Variants in DCC observed in about 807,000 individuals in gnomAD.
DCC encodes the protein netrin receptor DCC.
A neutral mutation model predicts 172.5 loss-of-function variants in DCC; 58 were observed. That is an observed-to-expected ratio of 0.34 (90% CI 0.27 to 0.42). The LOEUF (loss-of-function observed/expected upper bound fraction) is 0.42. Ranked by LOEUF, DCC falls within the 10% of genes least tolerant of loss-of-function variation. DCC has a pLI of 1.00. For missense variants in DCC, 1,740 were observed against 1,791.0 expected (o/e 0.97, Z 0.51); for synonymous variants, 709 against 644.5 (o/e 1.10, Z -1.52).
intron 7 of DCC, among the ~76,000 whole-genome samples, chr18:53,123,195 A>T (rs1187064525): frequency 6.6e-6 from 1 of 152,076 alleles, no homozygotes; most frequent in African/African-American, 2.4e-5. Flanking sequence ...TACTAGGAAA[A>T]TATGTAACAG....
intron 3 of DCC, among the ~76,000 whole-genome samples, chr18:52,918,141 T>A (rs984891710): frequency 1.3e-5 from 2 of 152,170 alleles, no homozygotes. Context: ...AAAATGACCA[T>A]GTATGTGTCA....
intron 13 of DCC, among the ~76,000 whole-genome samples, chr18:53,316,965 C>T (rs2057350651): frequency 6.6e-6 from 1 of 152,198 alleles, no homozygotes; most frequent in East Asian, 1.9e-4. Flanking sequence ...TTGCCCTGGC[C>T]AGAATTTCCA....
intron 7 of DCC, among the ~76,000 whole-genome samples, chr18:53,072,588 A>G (rs2042669678): frequency 6.6e-6 from 1 of 152,184 alleles, no homozygotes; most frequent in Non-Finnish European, 1.5e-5. Flanking sequence ...GGATGTGTTT[A>G]ATATAGTGGC....
chr18:52,715,680 G>A (rs1247204779), intron 1 of DCC, among the ~76,000 whole-genome samples: 1 of 151,978 alleles, frequency 6.6e-6, no homozygotes, highest in East Asian at 1.9e-4. Context: ...CAACTAAAAC[G>A]GCACTCCTAA....
chr18:52,896,757 T>C (rs2039737272), intron 2 of DCC, among the ~76,000 whole-genome samples: 1 of 152,170 alleles, frequency 6.6e-6, no homozygotes, highest in Non-Finnish European at 1.5e-5. Flanking sequence ...CAGCTCACGC[T>C]TGTCTGATTG....
chr18:52,510,082 C>A (rs1420409784), intron 1 of DCC, among the ~76,000 whole-genome samples: 1 of 146,956 alleles, frequency 6.8e-6, no homozygotes, highest in East Asian at 2.0e-4. Flanking sequence ...CCAGCCTGGG[C>A]AATGAGAGCA....
intron 1 of DCC, among the ~76,000 whole-genome samples, chr18:52,490,514 G>T (rs1325064153): frequency 6.6e-6 from 1 of 152,020 alleles, no homozygotes; most frequent in Non-Finnish European, 1.5e-5. Flanking sequence ...TAAAATAGCT[G>T]GTTTTAACTA....
chr18:53,116,978 A>G (rs548494859), intron 7 of DCC, among the ~76,000 whole-genome samples: 2 of 151,818 alleles, frequency 1.3e-5, no homozygotes, highest in African/African-American at 4.8e-5. Context: ...CCATCAAGTG[A>G]ACTTTCAAAT....
intron 12 of DCC, among the ~76,000 whole-genome samples, chr18:53,236,100 T>C (rs1296598248): frequency 1.3e-5 from 2 of 152,070 alleles, no homozygotes; most frequent in Non-Finnish European, 2.9e-5. Context: ...TGTAGATATT[T>C]AGAAGTAAAA....
At chr18:53,236,993 A>AT (rs1416360725) in intron 12 of DCC, 1 of 151,992 alleles carries the variant, frequency 6.6e-6, no homozygotes, top group African/African-American at 2.4e-5. Flanking sequence ...TCATCTTGAA[A>AT]TCAAGCAGTA....
At chr18:52,697,868 C>T (rs906304780) in intron 1 of DCC, among the ~76,000 whole-genome samples, 2 of 152,150 alleles carry the variant, frequency 1.3e-5, no homozygotes, top group African/African-American at 4.8e-5. Flanking sequence ...TTGGATTTAA[C>T]AGACATCTTC....
chr18:53,274,023 C>T (rs1302959641), intron 12 of DCC, among the ~76,000 whole-genome samples: 3 of 151,946 alleles, frequency 2.0e-5, no homozygotes, highest in Non-Finnish European at 4.4e-5. Context: ...TGACAAGCAG[C>T]AAGATACATT....
intron 15 of DCC, among the ~76,000 whole-genome samples, chr18:53,370,035 A>C (rs1393024269): frequency 6.6e-6 from 1 of 151,756 alleles, no homozygotes; most frequent in Non-Finnish European, 1.5e-5. Flanking sequence ...AAGAACTGGT[A>C]CTAATTTTTT....
chr18:53,021,792 T>C lies in DCC; in HGVS notation c.986-41513T>C, dbSNP rs377655145. Among the ~76,000 whole-genome samples, 17 of 152,294 alleles carry C rather than the reference T, an allele frequency of 1.1e-4. No homozygotes were observed. The South Asian group carries it at 1.9e-3, about 17-fold the overall frequency. ...AGGCTGGCCTAATAAGAAAAATAAC[T>C]TGGATGACTTGATGGATTTTGCACA... On this transcript the variant is annotated intron_variant, in intron 5 of 28. Coordinates refer to ENST00000442544, the MANE Select transcript of DCC (RefSeq NM_005215.4).
intron 1 of DCC, among the ~76,000 whole-genome samples, chr18:52,492,447 G>A (rs60764487): frequency 0.061 from 9,326 of 152,022 alleles, 353 homozygotes; most frequent in East Asian, 0.083. Context: ...GAGATGTGGA[G>A]TGAGTGGCCT....
intron 7 of DCC, among the ~76,000 whole-genome samples, chr18:53,095,656 C>T (rs189303083): frequency 7.9e-5 from 12 of 152,256 alleles, no homozygotes; most frequent in Admixed American, 7.8e-4. Context: ...ACTCATAAGA[C>T]CTTTGTTATT....
At chr18:52,642,065 TATATATATATATATACACAC>T (rs2034913512) in intron 1 of DCC, among the ~76,000 whole-genome samples, 2 of 7,516 alleles carry the variant, frequency 2.7e-4, no homozygotes, top group Admixed American at 2.9e-3. Context: ...TGTGTGTGTA[TATATATATATATATACACAC>T]ACACACACAC....
intron 5 of DCC, among the ~76,000 whole-genome samples, chr18:53,029,049 T>A (rs2041993816): frequency 6.7e-6 from 1 of 148,484 alleles, no homozygotes; most frequent in African/African-American, 2.6e-5. Flanking sequence ...AAATGTGGAT[T>A]CATATGAGCC....
intron 21 of DCC, among the ~76,000 whole-genome samples, chr18:53,433,306 A>G (rs1364124189): frequency 6.6e-6 from 1 of 152,164 alleles, no homozygotes; most frequent in Non-Finnish European, 1.5e-5. Flanking sequence ...ATATATGAAT[A>G]TGCTTATTGG....
Sources: gnomAD v4.1 joint callset for allele counts (sites outside exome capture counted in the v4.1 genomes callset) on GRCh38, gnomAD v4.1.1 for gene constraint, MANE v1.5 for transcripts, NCBI Gene and HGNC (gene_info 2026-07-23, HGNC 2026-07-21) for gene names.